The following THEM5 variants were observed in gnomAD, a reference collection of about 807,000 sequenced individuals.
THEM5 encodes thioesterase superfamily member 5, also known as acyl-coenzyme A thioesterase THEM5.
In THEM5, 28 loss-of-function variants were observed where a neutral mutation model predicts 24.2. The observed-to-expected ratio is 1.16, with a 90% CI of 0.86 to 1.59. The LOEUF is 1.59. Ranked by LOEUF, THEM5 falls within the 40% of genes most tolerant of loss-of-function variation. The pLI is 0.00. For missense variants in THEM5, 260 were observed against 296.8 expected, an observed-to-expected ratio of 0.88 and a Z score of 0.91; for synonymous variants, 87 against 114.5, an observed-to-expected ratio of 0.76 and a Z score of 1.53.
chr1:151,851,521 G>C (rs1056037), intron 2 of THEM5, among the ~76,000 whole-genome samples: 106,941 of 152,078 alleles, frequency 0.7, 38,158 homozygotes, highest in African/African-American at 0.76. Flanking sequence ...AAGAATAATA[G>C]TAAACAGTAA....
At position 151,852,263 on chromosome 1, in the gene THEM5, G is replaced by T. The variant is rs1653149258; in HGVS notation, c.320C>A (p.Ser107Tyr). 6.2e-7 allele frequency: 1 copy of T among 1,613,258 alleles called. No homozygotes were observed. The change falls in exon 2 of 6, where the codon TCC becomes TAC. Residue 107 changes from serine (S) to tyrosine (Y), a missense_variant. Ser to Tyr is a moderately radical substitution (Grantham distance 144, BLOSUM62 -2). Transcript: ENST00000368817. ...GLKLPSGLAV[S>Y]SDKGDCRIFT... ...ACTCATGGTCCTGTCCTTACCTGAGGAAACTGCCAGTCCAGATGGGAGCTT... is the reference window on the plus strand; with the variant it reads ...ACTCATGGTCCTGTCCTTACCTGAGTAAACTGCCAGTCCAGATGGGAGCTT...
chr1:151,851,385 C>T (rs928293179), intron 2 of THEM5, among the ~76,000 whole-genome samples, 194 bp from the exon 3 acceptor site: 1 of 152,080 alleles, frequency 6.6e-6, no homozygotes, highest in South Asian at 2.1e-4. Context: ...CTGTCTAGGG[C>T]AGAAACATGC....
Position 151,852,407 on chromosome 1 carries a change from T to C in THEM5, c.176A>G (p.Asn59Ser), listed in dbSNP as rs1384896046. Residue 59 changes from asparagine (N) to serine (S), a missense_variant, in exon 2 of 6, where the codon AAT becomes AGT. Asn to Ser is a conservative substitution (Grantham distance 46, BLOSUM62 1). Coordinates refer to ENST00000368817, the MANE Select transcript of THEM5 (RefSeq NM_182578.4). Reference sequence around the variant, plus strand: ...CAGCATGTCCGAACACCAGCTGGCATTGGGAAGAGCATAATCCTTCAAGTC... The same window carrying C: ...CAGCATGTCCGAACACCAGCTGGCACTGGGAAGAGCATAATCCTTCAAGTC... ...KTDLKDYALP[N>S]ASWCSDMLSL... 3.1e-6 allele frequency: 5 copies of C among 1,614,056 alleles called. No individual in the cohort carries two copies. Among genetic ancestry groups the C allele is most frequent in the Admixed American group, 1.7e-5 (1 of 60,018 alleles).
chr1:151,847,597 C>A, intron 5 of THEM5, 141 bp downstream of exon 5: 1 of 1,358,170 alleles, frequency 7.4e-7, no homozygotes, highest in Non-Finnish European at 1.0e-6. Context: ...CATCTGTGTC[C>A]CTAGTAGGTG....
chr1:151,849,156 T>C (rs1206050943), intron 3 of THEM5, among the ~76,000 whole-genome samples: 1 of 151,338 alleles, frequency 6.6e-6, no homozygotes, highest in Non-Finnish European at 1.5e-5. Context: ...TGGGTGGAGG[T>C]TGCAGTGAGC....
At chr1:151,851,025 G>T (rs1321656860) in intron 3 of THEM5, 28 bp downstream of exon 3, 1 of 1,613,364 alleles carries the variant, frequency 6.2e-7, no homozygotes, top group Non-Finnish European at 8.5e-7. Context: ...AGCCCAGGAG[G>T]CAGCCAAGGT....
At position 151,852,307 on chromosome 1, in the gene THEM5, T is replaced by C. The variant is rs1653150831; in HGVS notation, c.276A>G (p.Arg92=). 2 of 1,613,994 alleles carry C rather than the reference T, an allele frequency of 1.2e-6. No homozygotes were observed. Among genetic ancestry groups the C allele is most frequent in the Non-Finnish European group, 1.7e-6 (2 of 1,180,030 alleles). The change falls in exon 2 of 6, where the codon AGA becomes AGG. Residue 92 remains arginine, a synonymous_variant. Coordinates refer to ENST00000368817, the MANE Select transcript of THEM5 (RefSeq NM_182578.4). ...GGAGCTTGAGTCCCCGGATGTGGTC[T>C]CTGTTGGACTTGAAGGAGGGCAGCT... is the stretch of plus-strand genomic sequence containing the variant. ...WIKLPSFKSN[R]DHIRGLKLPS...
intron 3 of THEM5, 142 bp from the exon 4 acceptor site, chr1:151,848,434 G>A (rs1572060546): frequency 1.6e-6 from 1 of 632,214 alleles, no homozygotes; most frequent in African/African-American, 1.8e-5. Context: ...CAGCCTCAGG[G>A]CAGCCAAATA....
At chr1:151,852,213 A>G (rs761181364) in intron 2 of THEM5, 45 bp downstream of exon 2, 38 of 1,589,454 alleles carry the variant, frequency 2.4e-5, no homozygotes, top group Non-Finnish European at 3.1e-5. Flanking sequence ...CTTAGAACAC[A>G]GGGAAGGGCG....
At chr1:151,850,905 G>T in intron 3 of THEM5, 148 bp downstream of exon 3, 1 of 985,492 alleles carries the variant, frequency 1.0e-6, no homozygotes, top group Non-Finnish European at 1.5e-6. Flanking sequence ...TTCCAGGCCT[G>T]GTATTGTGAG....
At chr1:151,853,006 C>T (rs1653168648) in intron 1 of THEM5, among the ~76,000 whole-genome samples, 1 of 152,238 alleles carries the variant, frequency 6.6e-6, no homozygotes, top group Non-Finnish European at 1.5e-5. Flanking sequence ...ATTTGGGCCC[C>T]CACAGAGGTG....
intron 1 of THEM5, 93 bp from the exon 2 acceptor site, chr1:151,852,552 G>A: frequency 8.2e-7 from 1 of 1,219,654 alleles, no homozygotes; most frequent in Non-Finnish European, 1.2e-6. Flanking sequence ...CTGGGTGCTG[G>A]GGCTTCTCAA....
chr1:151,852,524 AC>A, intron 1 of THEM5, 65 bp from the exon 2 acceptor site: 1 of 1,492,848 alleles, frequency 6.7e-7, no homozygotes, highest in South Asian at 1.1e-5. Context: ...TGGGCTCGGG[AC>A]CTCTAAACAG....
At chr1:151,847,644 G>T in intron 5 of THEM5, 94 bp downstream of exon 5, 2 of 1,540,862 alleles carry the variant, frequency 1.3e-6, no homozygotes, top group South Asian at 1.1e-5. Context: ...ACCGCAGCTT[G>T]GGATGAATCA....
At position 151,847,798 on chromosome 1, in the gene THEM5, G is replaced by C; in HGVS notation, c.640C>G (p.Leu214Val). Reference sequence around the variant, plus strand: ...CTGTGGGCGATGCAGGACATGTAAAGCTTCTGGTCCTCAATCTTGTCCAGT... The same window carrying C: ...CTGTGGGCGATGCAGGACATGTAAACCTTCTGGTCCTCAATCTTGTCCAGT... ...VELDKIEDQK[L>V]YMSCIAHSRD... The change falls in exon 5 of 6, where the codon CTT becomes GTT. Residue 214 changes from leucine (L) to valine (V), a missense_variant. By Grantham distance (32) the Leu-to-Val change is conservative. Coordinates refer to ENST00000368817, the MANE Select transcript of THEM5 (RefSeq NM_182578.4). 1 of 1,614,064 alleles carries C rather than the reference G, an allele frequency of 6.2e-7. No individual in the cohort carries two copies. Among genetic ancestry groups the C allele is most frequent in the Non-Finnish European group, 8.5e-7 (1 of 1,180,030 alleles).
At chr1:151,849,428 C>T (rs933734897) in intron 3 of THEM5, among the ~76,000 whole-genome samples, 3 of 152,116 alleles carry the variant, frequency 2.0e-5, no homozygotes, top group Non-Finnish European at 4.4e-5. Context: ...CATGGGTTAC[C>T]CTCCTGCTGC....
At chr1:151,852,568 T>A (rs1190817893) in intron 1 of THEM5, 109 bp from the exon 2 acceptor site, 1 of 1,016,720 alleles carries the variant, frequency 9.8e-7, no homozygotes, top group African/African-American at 1.6e-5. Context: ...CTCAATCCCT[T>A]CTGCCAGAGT....
chr1:151,852,421 A>T lies in THEM5; in HGVS notation c.162T>A (p.Asp54Glu). 6.2e-7 allele frequency: 1 copy of T among 1,614,102 alleles called. No individual in the cohort carries two copies. The highest frequency in any genetic ancestry group is 1.1e-5 in the South Asian group (1 of 91,074). Residue 54 changes from aspartate to glutamate, a missense_variant, in exon 2 of 6, where the codon GAT becomes GAA. Physicochemically the swap from Asp to Glu is conservative, Grantham distance 45. Transcript: ENST00000368817. The part of the protein sequence containing the change: ...RFLPEKTDLK[D>E]YALPNASWCS... Reference sequence around the variant, plus strand: ...ACCAGCTGGCATTGGGAAGAGCATAATCCTTCAAGTCTGTCTTCTCTGGCA... The same window carrying T: ...ACCAGCTGGCATTGGGAAGAGCATATTCCTTCAAGTCTGTCTTCTCTGGCA...
chr1:151,849,300 T>A (rs1488851620), intron 3 of THEM5, among the ~76,000 whole-genome samples: 1 of 152,104 alleles, frequency 6.6e-6, no homozygotes, highest in Non-Finnish European at 1.5e-5. Flanking sequence ...GTTGGCTAAT[T>A]TGGGAAAATA....
Sources: gnomAD v4.1 joint callset for allele counts (sites outside exome capture counted in the v4.1 genomes callset) on GRCh38, gnomAD v4.1.1 for gene constraint, MANE v1.5 for transcripts, NCBI Gene and HGNC (gene_info 2026-07-23, HGNC 2026-07-21) for gene names.